Variants in MBD5 observed in about 807,000 individuals in gnomAD.
MBD5 encodes methyl-CpG-binding domain protein 5.
A neutral mutation model predicts 117.3 loss-of-function variants in MBD5; 13 were observed. The ratio of observed to expected loss-of-function variants is 0.11; its 90% CI spans 0.07 to 0.18. MBD5 has a LOEUF of 0.18. Ranked by LOEUF, MBD5 falls within the 10% of genes least tolerant of loss-of-function variation. The pLI is 1.00. For missense variants in MBD5, 1,879 were observed against 2,093.8 expected (o/e 0.90, Z 2.00); for synonymous variants, 727 against 766.4 (o/e 0.95, Z 0.85).
At chr2:148,074,491 T>TG (rs1558914702) in intron 1 of MBD5, among the ~76,000 whole-genome samples, 4 of 134,436 alleles carry the variant, frequency 3.0e-5, no homozygotes, top group South Asian at 2.4e-4. Flanking sequence ...TTTGTTTTTT[T>TG]TTTGTTTTTT....
At chr2:148,295,852 G>A (rs191272533) in intron 3 of MBD5, 10 of 171,764 alleles carry the variant, frequency 5.8e-5, no homozygotes, top group South Asian at 1.4e-4. Flanking sequence ...AGAAAGTTTC[G>A]TACATCAGTG....
In MBD5 at chr2:148,092,459, G is replaced by A. The variant is rs556743867; in HGVS notation, c.-925+70775G>A. ...TGGATAAAGAAAATGTGATGTGTATGTATATACCATGGAATACTACTCAGC... is the reference window on the plus strand; with the variant it reads ...TGGATAAAGAAAATGTGATGTGTATATATATACCATGGAATACTACTCAGC... On this transcript the variant is annotated intron_variant, in intron 1 of 13. Coordinates refer to ENST00000642680, the MANE Select transcript of MBD5 (RefSeq NM_001378120.1). Among the ~76,000 whole-genome samples, 14 of 152,220 alleles carry A rather than the reference G, an allele frequency of 9.2e-5. No homozygotes were observed. The South Asian group carries it at 2.9e-3, about 32-fold the overall frequency.
chr2:148,061,578 C>G (rs1360340023), intron 1 of MBD5, among the ~76,000 whole-genome samples: 1 of 151,838 alleles, frequency 6.6e-6, no homozygotes, highest in Non-Finnish European at 1.5e-5. Context: ...TAGCCATTCC[C>G]TTAATGTTGG....
chr2:148,037,624 A>C (rs1694230172), intron 1 of MBD5, among the ~76,000 whole-genome samples: 1 of 151,882 alleles, frequency 6.6e-6, no homozygotes, highest in Non-Finnish European at 1.5e-5. Flanking sequence ...ATAAGCAGAA[A>C]TTTTTCTCAA....
chr2:148,128,697 A>T (rs1422627346), intron 1 of MBD5, among the ~76,000 whole-genome samples: 1 of 152,232 alleles, frequency 6.6e-6, no homozygotes, highest in Non-Finnish European at 1.5e-5. Flanking sequence ...TGCCTTACTC[A>T]AGAAAGCATG....
chr2:148,300,125 G>T (rs1486104311), intron 3 of MBD5, among the ~76,000 whole-genome samples: 1 of 152,032 alleles, frequency 6.6e-6, no homozygotes, highest in Non-Finnish European at 1.5e-5. Flanking sequence ...CACGATCTCA[G>T]CTCACTGTAA....
intron 3 of MBD5, among the ~76,000 whole-genome samples, chr2:148,305,691 A>G (rs1701874988): frequency 6.6e-6 from 1 of 152,250 alleles, no homozygotes; most frequent in African/African-American, 2.4e-5. Context: ...CAAGTTGTCC[A>G]GCCTCAGCTT....
intron 5 of MBD5, among the ~76,000 whole-genome samples, chr2:148,460,839 C>G (rs1350122965): frequency 2.0e-5 from 3 of 152,100 alleles, no homozygotes; most frequent in Non-Finnish European, 2.9e-5. Context: ...TCTAGGATTC[C>G]GTCCATATAC....
At chr2:148,024,272 T>G (rs1420348241) in intron 1 of MBD5, among the ~76,000 whole-genome samples, 1 of 152,220 alleles carries the variant, frequency 6.6e-6, no homozygotes, top group Non-Finnish European at 1.5e-5. Context: ...ATTACTATTT[T>G]GAAAATAATT....
chr2:148,494,008 A>G (rs1257056490), intron 11 of MBD5, among the ~76,000 whole-genome samples: 2 of 152,232 alleles, frequency 1.3e-5, no homozygotes, highest in Non-Finnish European at 2.9e-5. Flanking sequence ...ATTAATTTCT[A>G]TTCAAAGAGA....
intron 1 of MBD5, among the ~76,000 whole-genome samples, chr2:148,092,182 G>A (rs1695961269): frequency 6.6e-6 from 1 of 152,104 alleles, no homozygotes; most frequent in Admixed American, 6.5e-5. Context: ...GCATGGATGT[G>A]GTGAAAAGGA....
chr2:148,210,485 T>C (rs35945752), intron 2 of MBD5, among the ~76,000 whole-genome samples: 1 of 152,048 alleles, frequency 6.6e-6, no homozygotes, highest in Non-Finnish European at 1.5e-5. Context: ...TTTAATATTG[T>C]TAAACTTTTT....
At chr2:148,435,115 T>C (rs1040439045) in intron 4 of MBD5, among the ~76,000 whole-genome samples, 1 of 152,180 alleles carries the variant, frequency 6.6e-6, no homozygotes, top group Non-Finnish European at 1.5e-5. Context: ...ATTTTCTTGG[T>C]AGATTTTTCT....
chr2:148,128,261 A>G (rs192654983), intron 1 of MBD5, among the ~76,000 whole-genome samples: 22 of 152,266 alleles, frequency 1.4e-4, no homozygotes, highest in Non-Finnish European at 1.9e-4. Context: ...ATTTTTGCTT[A>G]ACACAGTGCT....
intron 1 of MBD5, chr2:148,026,235 T>C (rs774046207): frequency 1.4e-4 from 21 of 152,314 alleles, no homozygotes; most frequent in East Asian, 3.9e-4. Flanking sequence ...ACATTACATT[T>C]ATGACACTTT....
intron 11 of MBD5, among the ~76,000 whole-genome samples, chr2:148,492,861 A>C (rs1400442531): frequency 1.3e-5 from 2 of 152,110 alleles, no homozygotes; most frequent in African/African-American, 4.8e-5. Flanking sequence ...TGTATAAGAC[A>C]AAACGTGATG....
intron 1 of MBD5, among the ~76,000 whole-genome samples, chr2:148,122,830 CTTTA>C (rs1284833760): frequency 1.3e-5 from 2 of 152,086 alleles, no homozygotes; most frequent in Non-Finnish European, 2.9e-5. Flanking sequence ...CTGTGAAATG[CTTTA>C]TAGAGTTAAG....
At chr2:148,353,884 A>T (rs1290656131) in intron 4 of MBD5, among the ~76,000 whole-genome samples, 1 of 151,856 alleles carries the variant, frequency 6.6e-6, no homozygotes, top group Non-Finnish European at 1.5e-5. Flanking sequence ...CCCATCCTTT[A>T]TTTAGTTTTA....
chr2:148,282,560 G>C (rs985251021), intron 3 of MBD5, among the ~76,000 whole-genome samples: 1 of 149,518 alleles, frequency 6.7e-6, no homozygotes, highest in Non-Finnish European at 1.5e-5. Flanking sequence ...TATATATAAT[G>C]TGTGTGTGTG....
Sources: allele counts gnomAD v4.1 joint callset (sites outside exome capture counted in the v4.1 genomes callset), GRCh38; gene constraint gnomAD v4.1.1; transcripts MANE v1.5; gene names NCBI Gene and HGNC (gene_info 2026-07-23, HGNC 2026-07-21).